PCSK2: variants seen among roughly 807,000 people sequenced by gnomAD.
PCSK2 encodes neuroendocrine convertase 2.
PCSK2 carries 14 observed loss-of-function variants against 69.7 expected under a neutral mutation model. The observed-to-expected ratio is 0.20, with a 90% CI of 0.13 to 0.31. The LOEUF (loss-of-function observed/expected upper bound fraction) is 0.31, where lower values mean the gene tolerates loss of function less well. Ranked by LOEUF, PCSK2 falls within the 10% of genes least tolerant of loss-of-function variation. PCSK2 has a pLI of 1.00. For synonymous variants in PCSK2, 307 were observed against 320.7 expected, an observed-to-expected ratio of 0.96 and a Z score of 0.46; for missense variants, 544 against 842.5, an observed-to-expected ratio of 0.65 and a Z score of 4.39.
intron 2 of PCSK2, among the ~76,000 whole-genome samples, chr20:17,341,739 A>G (rs776287415): frequency 1.1e-3 from 172 of 152,340 alleles, no homozygotes; most frequent in Non-Finnish European, 2.1e-3. Flanking sequence ...TCTTTCAGAA[A>G]AATGATTCTG....
chr20:17,387,955 A>C (rs1253340826), intron 5 of PCSK2, among the ~76,000 whole-genome samples: 1 of 152,216 alleles, frequency 6.6e-6, no homozygotes, highest in Non-Finnish European at 1.5e-5. Flanking sequence ...CTGGGCTGCC[A>C]GTTAAGGGAA....
intron 1 of PCSK2, among the ~76,000 whole-genome samples, chr20:17,238,676 T>C (rs1156975624): frequency 6.6e-6 from 1 of 152,166 alleles, no homozygotes; most frequent in Non-Finnish European, 1.5e-5. Flanking sequence ...ATACACCAAC[T>C]TGGTCTGACC....
At chr20:17,330,595 C>T (rs6044738) in intron 2 of PCSK2, among the ~76,000 whole-genome samples, 101,197 of 151,784 alleles carry the variant, frequency 0.67, 34,478 homozygotes, top group East Asian at 0.89. Flanking sequence ...CCAGCCTGGG[C>T]GACAGAGTGA....
intron 1 of PCSK2, among the ~76,000 whole-genome samples, chr20:17,237,132 A>G (rs1237942880): frequency 6.6e-6 from 1 of 152,190 alleles, no homozygotes; most frequent in African/African-American, 2.4e-5. Flanking sequence ...ATAGAGTGTC[A>G]ATGAAATAGA....
At chr20:17,279,806 A>AGT (rs1988236799) in intron 2 of PCSK2, among the ~76,000 whole-genome samples, 3 of 151,348 alleles carry the variant, frequency 2.0e-5, no homozygotes, top group Admixed American at 2.0e-4. Flanking sequence ...AAAAAAAAAA[A>AGT]GTGTGTGGCC....
At chr20:17,315,954 G>A (rs1199344785) in intron 2 of PCSK2, among the ~76,000 whole-genome samples, 1 of 152,224 alleles carries the variant, frequency 6.6e-6, no homozygotes, top group East Asian at 1.9e-4. Flanking sequence ...TAACTGTCCG[G>A]CCTTGCTGGC....
intron 2 of PCSK2, among the ~76,000 whole-genome samples, chr20:17,284,141 G>A (rs932510885): frequency 3.3e-5 from 5 of 152,168 alleles, no homozygotes; most frequent in Non-Finnish European, 5.9e-5. Flanking sequence ...TCTGAGTACT[G>A]TGTGAGATGG....
In PCSK2 at chr20:17,419,505, G is replaced by A. The variant is rs1297446828; in HGVS notation, c.621-9930G>A. Among the ~76,000 whole-genome samples the A allele has an allele frequency of 6.6e-5, 10 of 152,170 alleles. No homozygotes were observed. The East Asian group carries it at 1.9e-3, about 29-fold the overall frequency. ...GAAAATACACATTTAATCAGCATCA[G>A]TAATGTGCAAAACAGATATAACTGA... On this transcript the variant is annotated intron_variant, in intron 6 of 11. Transcript: ENST00000262545.
upstream of PCSK2, among the ~76,000 whole-genome samples, chr20:17,226,691 C>A (rs576403753): frequency 2.6e-5 from 4 of 151,998 alleles, no homozygotes; most frequent in African/African-American, 9.6e-5. Context: ...TGACATCACT[C>A]CGCCGCCGCT....
chr20:17,236,163 A>G (rs1328727644), intron 1 of PCSK2, among the ~76,000 whole-genome samples: 1 of 152,124 alleles, frequency 6.6e-6, no homozygotes, highest in African/African-American at 2.4e-5. Context: ...TAGAGCTGAG[A>G]TCTCATCATA....
At chr20:17,377,652 C>A (rs2030965492) in intron 5 of PCSK2, among the ~76,000 whole-genome samples, 1 of 152,210 alleles carries the variant, frequency 6.6e-6, no homozygotes, top group Non-Finnish European at 1.5e-5. Flanking sequence ...GAAGGGCTGG[C>A]ATTTTCAATG....
intron 2 of PCSK2, among the ~76,000 whole-genome samples, chr20:17,313,452 C>A (rs1989579733): frequency 6.6e-6 from 1 of 152,066 alleles, no homozygotes; most frequent in African/African-American, 2.4e-5. Flanking sequence ...ATTTTTGTTT[C>A]CAAGAGGGCC....
At chr20:17,446,324 G>A (rs1399918205) in intron 8 of PCSK2, among the ~76,000 whole-genome samples, 1 of 152,150 alleles carries the variant, frequency 6.6e-6, no homozygotes, top group African/African-American at 2.4e-5. Flanking sequence ...CCTTAGCTTG[G>A]CTTTTCCAGA....
At chr20:17,430,636 T>C (rs1463019956) in intron 7 of PCSK2, among the ~76,000 whole-genome samples, 1 of 152,206 alleles carries the variant, frequency 6.6e-6, no homozygotes, top group Non-Finnish European at 1.5e-5. Flanking sequence ...GGGTTTCAGC[T>C]CTCTTTACTT....
At chr20:17,462,931 C>A (rs914406027) in intron 10 of PCSK2, among the ~76,000 whole-genome samples, 2 of 152,082 alleles carry the variant, frequency 1.3e-5, no homozygotes, top group Admixed American at 1.3e-4. Flanking sequence ...AAATAAATAC[C>A]TACTTTACAG....
chr20:17,468,728 C>A (rs2033150587), intron 11 of PCSK2, among the ~76,000 whole-genome samples: 1 of 152,084 alleles, frequency 6.6e-6, no homozygotes, highest in African/African-American at 2.4e-5. Context: ...GGCCAGTGTC[C>A]TGCTGTAGAC....
rs1297381304 is a variant in PCSK2 at position 17,481,412 on chromosome 20, A to AG, written c.1431-172_1431-171insG. Among the ~76,000 whole-genome samples, 23 of 133,638 alleles carry AG rather than the reference A, an allele frequency of 1.7e-4. 1 individual carries two copies. The highest frequency in any genetic ancestry group is 4.3e-4 in the African/African-American group (14 of 32,316). The allele number at this position is 133,638 out of a possible 152,430, so 87.7% of individuals were successfully genotyped here. On this transcript the variant is annotated intron_variant, in intron 11 of 11. Coordinates refer to ENST00000262545, the MANE Select transcript of PCSK2 (RefSeq NM_002594.5). ...ACAAAAAAAAAAAAAAAAAAAAAAA[A>AG]AAGAGATAAGTAACTTACTCAGGCT... is the stretch of plus-strand genomic sequence containing the variant.
At chr20:17,245,840 TG>T (rs1986751365) in intron 1 of PCSK2, among the ~76,000 whole-genome samples, 1 of 152,198 alleles carries the variant, frequency 6.6e-6, no homozygotes, top group Non-Finnish European at 1.5e-5. Context: ...CTGTTTGACT[TG>T]TGGAGGAGCA....
intron 2 of PCSK2, among the ~76,000 whole-genome samples, chr20:17,341,807 C>G (rs1990517201): frequency 6.6e-6 from 1 of 152,138 alleles, no homozygotes; most frequent in Admixed American, 6.6e-5. Flanking sequence ...CATGTGCTCT[C>G]AAAAGTCAGA....
Sources: gnomAD v4.1 joint callset for allele counts (sites outside exome capture counted in the v4.1 genomes callset) on GRCh38, gnomAD v4.1.1 for gene constraint, MANE v1.5 for transcripts, NCBI Gene and HGNC (gene_info 2026-07-23, HGNC 2026-07-21) for gene names.